The following FSIP1 variants were observed in gnomAD, a reference collection of about 807,000 sequenced individuals.
FSIP1 encodes the protein fibrous sheath interacting protein 1.
In FSIP1, 65 loss-of-function variants were observed where a neutral mutation model predicts 60.9. That is an observed-to-expected ratio of 1.07 (90% confidence interval 0.87 to 1.31). The LOEUF is 1.31. Among genes scored for constraint, FSIP1 ranks in the 40% most tolerant of loss-of-function variants. The pLI is 0.00. For synonymous variants in FSIP1, 209 were observed against 221.2 expected (o/e 0.94, Z 0.49); for missense variants, 675 against 665.5 (o/e 1.01, Z -0.16).
chr15:39,762,532 T>G lies in FSIP1; in HGVS notation c.559+1289A>C, dbSNP rs16969805. 2.6e-3 allele frequency among the ~76,000 whole-genome samples: 399 copies of G among 152,302 alleles called. 9 individuals carry two copies. The highest frequency in any genetic ancestry group is 0.016 in the Admixed American group (241 of 15,304). ...AGTGGACATGAATTTGAGAGAGACATTACCAAAATCACTGTAGCCAGGAAC... is the reference window on the plus strand; with the variant it reads ...AGTGGACATGAATTTGAGAGAGACAGTACCAAAATCACTGTAGCCAGGAAC... On this transcript the variant is annotated intron_variant, in intron 5 of 11. Transcript: ENST00000350221.
chr15:39,761,832 A>G (rs1301377371), intron 5 of FSIP1, among the ~76,000 whole-genome samples: 1 of 152,218 alleles, frequency 6.6e-6, no homozygotes, highest in Non-Finnish European at 1.5e-5. Context: ...TTTGTACCCC[A>G]TAAATATAAA....
At chr15:39,715,081 T>C (rs779429143) in intron 9 of FSIP1, among the ~76,000 whole-genome samples, 39 of 152,116 alleles carry the variant, frequency 2.6e-4, no homozygotes, top group African/African-American at 7.2e-5. Context: ...TGGCTGGTCT[T>C]GATGCTACCA....
chr15:39,666,618 T>C (rs1029817837), intron 10 of FSIP1, among the ~76,000 whole-genome samples: 3 of 152,190 alleles, frequency 2.0e-5, no homozygotes, highest in Non-Finnish European at 4.4e-5. Context: ...TGAACCCAAA[T>C]TTTTTAATTT....
At chr15:39,755,427 G>A (rs566868704) in intron 5 of FSIP1, among the ~76,000 whole-genome samples, 1 of 152,236 alleles carries the variant, frequency 6.6e-6, no homozygotes, top group African/African-American at 2.4e-5. Flanking sequence ...TCTCTGGAAA[G>A]GAAGACCAAC....
At chr15:39,676,556 G>A (rs770102996) in intron 10 of FSIP1, among the ~76,000 whole-genome samples, 10 of 152,130 alleles carry the variant, frequency 6.6e-5, no homozygotes, top group Non-Finnish European at 1.3e-4. Context: ...TCAGTGCTCC[G>A]TGAAAGGCAC....
rs186754460 is a variant in FSIP1 at position 39,686,948 on chromosome 15, C to T, written c.1188+26496G>A. ...TGTATCTATTTGCAAAATATCATCC[C>T]AGTTTCAGGTAGCTACAAATGGCTG... On this transcript the variant is annotated intron_variant, in intron 10 of 11. Transcript: ENST00000350221. 3.5e-3 allele frequency among the ~76,000 whole-genome samples: 533 copies of T among 152,110 alleles called. 4 individuals carry two copies. The highest frequency in any genetic ancestry group is 0.012 in the African/African-American group (504 of 41,488).
intron 10 of FSIP1, among the ~76,000 whole-genome samples, chr15:39,676,623 G>A (rs1893954317): frequency 6.6e-6 from 1 of 152,070 alleles, no homozygotes. Context: ...CCTCCTAAAT[G>A]TCATTAGCAT....
intron 2 of FSIP1, among the ~76,000 whole-genome samples, chr15:39,772,864 T>C (rs1897935887): frequency 6.6e-6 from 1 of 152,172 alleles, no homozygotes; most frequent in Non-Finnish European, 1.5e-5. Context: ...GTGCTGGGGT[T>C]ACAGGCGTGA....
At chr15:39,666,071 G>A (rs1247895815) in intron 10 of FSIP1, among the ~76,000 whole-genome samples, 3 of 152,266 alleles carry the variant, frequency 2.0e-5, no homozygotes, top group Non-Finnish European at 4.4e-5. Flanking sequence ...GGAGCCTCTG[G>A]TTAATAATAA....
At chr15:39,689,959 C>A (rs969608806) in intron 10 of FSIP1, among the ~76,000 whole-genome samples, 2 of 152,156 alleles carry the variant, frequency 1.3e-5, no homozygotes, top group African/African-American at 4.8e-5. Context: ...GGTCAGTACC[C>A]ATGTATTAGG....
intron 10 of FSIP1, among the ~76,000 whole-genome samples, chr15:39,697,338 C>T (rs143218815): frequency 2.6e-5 from 4 of 152,290 alleles, no homozygotes; most frequent in Admixed American, 1.3e-4. Flanking sequence ...CAGTGGGAAG[C>T]GCCTCAGTGG....
At chr15:39,711,676 CTTTTTTTTTTTTT>C (rs66840718) in intron 10 of FSIP1, among the ~76,000 whole-genome samples, 3 of 85,734 alleles carry the variant, frequency 3.5e-5, no homozygotes, top group African/African-American at 1.5e-4. Context: ...ATTCCTACTT[CTTTTTTTTTTTTT>C]TTTTTTTTTT....
At chr15:39,630,121 G>T (rs887327235) in intron 10 of FSIP1, among the ~76,000 whole-genome samples, 2 of 152,126 alleles carry the variant, frequency 1.3e-5, no homozygotes, top group African/African-American at 4.8e-5. Context: ...AGCACACAAA[G>T]CCCAACGTCA....
At chr15:39,677,173 C>A (rs16969550) in intron 10 of FSIP1, among the ~76,000 whole-genome samples, 4,919 of 152,220 alleles carry the variant, frequency 0.032, 259 homozygotes, top group African/African-American at 0.11. Flanking sequence ...AAAACCATTA[C>A]GTATGTGATT....
chr15:39,757,901 C>T (rs1043585640), intron 5 of FSIP1, among the ~76,000 whole-genome samples: 1 of 152,092 alleles, frequency 6.6e-6, no homozygotes, highest in Non-Finnish European at 1.5e-5. Flanking sequence ...TGCATCTTAC[C>T]TGCTTTGCAC....
chr15:39,607,475 G>A (rs564229674), intron 11 of FSIP1, among the ~76,000 whole-genome samples: 6 of 152,240 alleles, frequency 3.9e-5, no homozygotes, highest in South Asian at 4.2e-4. Context: ...TATTTGTCCC[G>A]TAAAACCCCA....
At chr15:39,710,905 T>C (rs1261584436) in intron 10 of FSIP1, among the ~76,000 whole-genome samples, 1 of 152,252 alleles carries the variant, frequency 6.6e-6, no homozygotes, top group Non-Finnish European at 1.5e-5. Flanking sequence ...ATTGCTCTTA[T>C]CTACTCATGT....
intron 10 of FSIP1, among the ~76,000 whole-genome samples, chr15:39,664,786 TC>T (rs1893431979): frequency 6.6e-6 from 1 of 151,796 alleles, no homozygotes; most frequent in Admixed American, 6.6e-5. Flanking sequence ...AATACTAAGC[TC>T]CCCTACATGT....
chr15:39,776,151 G>A (rs1299466279), intron 2 of FSIP1, among the ~76,000 whole-genome samples: 2 of 129,238 alleles, frequency 1.5e-5, no homozygotes, highest in African/African-American at 5.8e-5. Context: ...GGGAGGAGCA[G>A]AGGGAGGGGA....
Sources: allele counts gnomAD v4.1 joint callset (sites outside exome capture counted in the v4.1 genomes callset), GRCh38; gene constraint gnomAD v4.1.1; transcripts MANE v1.5; gene names NCBI Gene and HGNC (gene_info 2026-07-23, HGNC 2026-07-21).